Variants in SECISBP2L observed in about 807,000 individuals in gnomAD.
SECISBP2L encodes SECIS binding protein 2 like, also known as selenocysteine insertion sequence-binding protein 2-like.
A neutral mutation model predicts 114.7 loss-of-function variants in SECISBP2L; 43 were observed. That is an observed-to-expected ratio of 0.38 (90% CI 0.29 to 0.48). The LOEUF (loss-of-function observed/expected upper bound fraction) is 0.48, where lower values mean the gene tolerates loss of function less well. Ranked by LOEUF, SECISBP2L falls within the 20% of genes least tolerant of loss-of-function variation. The pLI, the probability that SECISBP2L is intolerant of heterozygous loss-of-function variation, is 0.98. For synonymous variants in SECISBP2L, 451 were observed against 439.7 expected (o/e 1.03, Z -0.32); for missense variants, 1,136 against 1,301.1 (o/e 0.87, Z 1.95).
At chr15:49,003,532 T>C (rs928518226) in intron 14 of SECISBP2L, among the ~76,000 whole-genome samples, 1 of 152,234 alleles carries the variant, frequency 6.6e-6, no homozygotes, top group African/African-American at 2.4e-5. Context: ...TCAAAGGGAA[T>C]GCTTCCAGCT....
chr15:49,024,763 A>G (rs1185901782), intron 7 of SECISBP2L, among the ~76,000 whole-genome samples: 1 of 152,214 alleles, frequency 6.6e-6, no homozygotes, highest in Non-Finnish European at 1.5e-5. Flanking sequence ...TGACTTAAAA[A>G]GACTCTGCAT....
chr15:48,992,675 T>C lies in SECISBP2L; in HGVS notation c.2875A>G (p.Thr959Ala), dbSNP rs764837115. The C allele has an allele frequency of 6.2e-6, 10 of 1,614,090 alleles. No homozygotes were observed. Among genetic ancestry groups the C allele is most frequent in the Non-Finnish European group, 8.5e-6 (10 of 1,180,048 alleles). The change falls in exon 18 of 18, where the codon ACA (threonine) becomes GCA (alanine). Residue 959 changes from threonine (T) to alanine (A), a missense_variant. Transcript: ENST00000559471. ...CTGCCATCCAAAGAGCCAGTCTCTGTACTCTGCTGTGAGGCCCATTCCAGG... is the reference window on the plus strand; with the variant it reads ...CTGCCATCCAAAGAGCCAGTCTCTGCACTCTGCTGTGAGGCCCATTCCAGG... The part of the protein sequence containing the change: ...DDLEWASQQS[T>A]ETGSLDGSCR...
intron 8 of SECISBP2L, among the ~76,000 whole-genome samples, chr15:49,018,011 T>C (rs1205266341): frequency 6.6e-6 from 1 of 152,200 alleles, no homozygotes; most frequent in Non-Finnish European, 1.5e-5. Flanking sequence ...TGTTCTGCAT[T>C]ACTCCACACA....
intron 7 of SECISBP2L, among the ~76,000 whole-genome samples, chr15:49,025,420 T>A (rs1434747349): frequency 6.6e-6 from 1 of 152,228 alleles, no homozygotes; most frequent in Non-Finnish European, 1.5e-5. Context: ...AATTCACTTG[T>A]GTTTCACATA....
intron 7 of SECISBP2L, among the ~76,000 whole-genome samples, chr15:49,020,710 T>C (rs1442531748): frequency 1.3e-5 from 2 of 152,072 alleles, no homozygotes; most frequent in East Asian, 3.9e-4. Context: ...GGTCTACCTA[T>C]ATTGTCCAGG....
intron 1 of SECISBP2L, among the ~76,000 whole-genome samples, chr15:49,044,149 C>T (rs989274748): frequency 1.3e-5 from 2 of 151,834 alleles, no homozygotes; most frequent in Non-Finnish European, 2.9e-5. Context: ...AGTATGTCAA[C>T]ACTGGTCTAA....
intron 7 of SECISBP2L, 36 bp downstream of exon 7, chr15:49,027,329 T>C (rs1902764636): frequency 1.4e-6 from 2 of 1,463,810 alleles, no homozygotes; most frequent in Non-Finnish European, 1.9e-6. Context: ...ACTCATCTCA[T>C]ACCTAATCAA....
chr15:49,038,964 A>G (rs1337367158), intron 1 of SECISBP2L, among the ~76,000 whole-genome samples: 1 of 152,206 alleles, frequency 6.6e-6, no homozygotes, highest in African/African-American at 2.4e-5. Context: ...TTCTCACAAA[A>G]GCAGCTAGTA....
rs767322813 is a variant in SECISBP2L at position 49,001,024 on chromosome 15, G to A, written c.2101C>T (p.Gln701Ter). Residue 701 changes from glutamine (Q) to a stop codon, truncating the protein, a stop_gained, in exon 15 of 18, where the codon CAG (glutamine) becomes TAG (stop). Coordinates refer to ENST00000559471, the MANE Select transcript of SECISBP2L (RefSeq NM_001193489.2). LOFTEE classifies it high-confidence loss of function. ...TLLLQELVSF[Q>*]ERIYQKDPVR... ...GGATCTTTTTGGTAGATGCGTTCCT[G>A]GAAACTGACAAGCTCTTGGAGAAGA... is the stretch of plus-strand genomic sequence containing the variant. 6.2e-7 allele frequency: 1 copy of A among 1,613,562 alleles called. No homozygotes were observed. Among genetic ancestry groups the A allele is most frequent in the Non-Finnish European group, 8.5e-7 (1 of 1,179,808 alleles).
intron 1 of SECISBP2L, among the ~76,000 whole-genome samples, chr15:49,039,987 T>C (rs1903090900): frequency 6.6e-6 from 1 of 152,132 alleles, no homozygotes; most frequent in South Asian, 2.1e-4. Flanking sequence ...TAAATAATTT[T>C]AAAATAACAC....
intron 11 of SECISBP2L, 47 bp downstream of exon 11, chr15:49,016,494 CGATTAACAACATCTAACAT>C: frequency 6.7e-7 from 1 of 1,485,108 alleles, no homozygotes; most frequent in Non-Finnish European, 9.0e-7. Flanking sequence ...TTAAAAATTT[CGATTAACAACATCTAACAT>C]ATATTAGCAG....
intron 14 of SECISBP2L, among the ~76,000 whole-genome samples, chr15:49,006,088 T>C (rs1459329039): frequency 1.3e-5 from 2 of 152,208 alleles, no homozygotes; most frequent in African/African-American, 4.8e-5. Flanking sequence ...CACTCTCTTC[T>C]GGCTTGTAGG....
At position 48,991,409 on chromosome 15, in the gene SECISBP2L, G is replaced by GT. The variant is rs960871875; in HGVS notation, c.*834dup. ...CAGTATAAGACTCTGTTTCTGAAGA[G>GT]TTTACATGTAAGTGCAGCAGTCATA... On this transcript the variant is annotated 3_prime_UTR_variant, in exon 18 of 18. Transcript: ENST00000559471. 3 of 152,630 alleles carry GT rather than the reference G, an allele frequency of 2.0e-5. No homozygotes were observed. Among genetic ancestry groups the GT allele is most frequent in the Admixed American group, 2.0e-4 (3 of 15,276 alleles). 9.5% of individuals were successfully genotyped at this position (152,630 alleles called of 1,614,324 possible).
intron 15 of SECISBP2L, among the ~76,000 whole-genome samples, chr15:49,000,249 C>A (rs566196500): frequency 6.6e-6 from 1 of 152,260 alleles, no homozygotes; most frequent in African/African-American, 2.4e-5. Context: ...AGCAATCAAA[C>A]TGCAATTCAA....
chr15:49,030,543 T>C (rs901015138), intron 4 of SECISBP2L, among the ~76,000 whole-genome samples: 4 of 152,228 alleles, frequency 2.6e-5, no homozygotes, highest in African/African-American at 9.6e-5. Context: ...ATGCTAATCC[T>C]TTGTCAGTTA....
In SECISBP2L at chr15:49,012,769, G is replaced by C; in HGVS notation, c.1610C>G (p.Pro537Arg). Reference protein sequence around the residue: ...FHTKDSTNRKPLTKSQPCLTS... With the variant: ...FHTKDSTNRKRLTKSQPCLTS... The stretch of plus-strand genomic sequence containing the variant: ...CAAACAGGGCTGACTTTTGGTTAAA[G>C]GTTTTCTATTAGTAGAGTCTTTAGT... The change falls in exon 12 of 18, where the codon CCT becomes CGT. Residue 537 changes from proline (P) to arginine (R), a missense_variant. This residue lies in a region of SECISBP2L where 684 missense variants were observed against 848.7 expected (regional missense o/e 0.81). Transcript: ENST00000559471. 2 of 1,612,578 alleles carry C rather than the reference G, an allele frequency of 1.2e-6. No homozygotes were observed. Among genetic ancestry groups the C allele is most frequent in the Non-Finnish European group, 1.7e-6 (2 of 1,179,170 alleles).
chr15:49,001,519 G>T (rs1354640797), intron 14 of SECISBP2L, among the ~76,000 whole-genome samples: 5 of 150,388 alleles, frequency 3.3e-5, no homozygotes, highest in African/African-American at 1.2e-4. Context: ...GAACATGCAG[G>T]TTTGTTACAT....
At chr15:49,004,155 G>A (rs1327546891) in intron 14 of SECISBP2L, among the ~76,000 whole-genome samples, 1 of 152,062 alleles carries the variant, frequency 6.6e-6, no homozygotes, top group African/African-American at 2.4e-5. Flanking sequence ...ACTTCTTCCT[G>A]GTTTAGTCTT....
intron 7 of SECISBP2L, among the ~76,000 whole-genome samples, chr15:49,023,791 G>C (rs1902688017): frequency 6.6e-6 from 1 of 152,122 alleles, no homozygotes; most frequent in Non-Finnish European, 1.5e-5. Context: ...GAGTAGATAT[G>C]CTCTTTTATG....
Sources: allele counts gnomAD v4.1 joint callset (sites outside exome capture counted in the v4.1 genomes callset), GRCh38; gene constraint gnomAD v4.1.1; regional missense constraint gnomAD v4.1.1; transcripts MANE v1.5; gene names NCBI Gene and HGNC (gene_info 2026-07-23, HGNC 2026-07-21).